Variants in NOTCH2NLA observed in about 807,000 individuals in gnomAD.
NOTCH2NLA encodes notch 2 N-terminal like A.
intron 1 of NOTCH2NLA, among the ~76,000 whole-genome samples, chr1:146,204,032 TATA>T (rs1431555897): frequency 4.6e-5 from 7 of 151,310 alleles, no homozygotes; most frequent in African/African-American, 1.5e-4. Context: ...AGTTTTAAAC[TATA>T]ATAAGTCTAT....
In NOTCH2NLA at chr1:146,187,855, C is replaced by T. The variant is rs201278051; in HGVS notation, c.38+1445G>A. Among the ~76,000 whole-genome samples the T allele has an allele frequency of 2.9e-5, 4 of 136,098 alleles. 1 individual carries two copies. The highest frequency in any genetic ancestry group is 7.4e-5 in the African/African-American group (3 of 40,292). 89.3% of individuals were successfully genotyped at this position (136,098 alleles called of 152,430 possible). On this transcript the variant is annotated intron_variant, in intron 2 of 4. Transcript: ENST00000362074. ...GAGAATGCACCACATTTTTTTTTCC[C>T]CCAGCTAGAAAAACTAAATGAGCAG...
chr1:146,172,631 G>T (rs1429376612), intron 2 of NOTCH2NLA, among the ~76,000 whole-genome samples: 3 of 151,124 alleles, frequency 2.0e-5, no homozygotes, highest in African/African-American at 7.3e-5. Flanking sequence ...TCAAAAATCT[G>T]CTGTAAACCT....
Position 146,185,594 on chromosome 1 carries a change from G to A in NOTCH2NLA, c.38+3706C>T, listed in dbSNP as rs1380228932. On this transcript the variant is annotated intron_variant, in intron 2 of 4. Transcript: ENST00000362074. ...AAAGTAGTTATCTTCATCTGTCAAT[G>A]TGATCTTATCAAGGATTTTTATAAT... is the stretch of plus-strand genomic sequence containing the variant. 5.2e-5 allele frequency among the ~76,000 whole-genome samples: 7 copies of A among 134,492 alleles called. 3 individuals carry two copies. Among genetic ancestry groups the A allele is most frequent in the Non-Finnish European group, 8.6e-5 (5 of 58,114 alleles). 88.2% of individuals were successfully genotyped at this position (134,492 alleles called of 152,430 possible). A position where few individuals can be genotyped will look rare whatever the true frequency, so the allele number is the denominator to read the frequency against.
intron 3 of NOTCH2NLA, among the ~76,000 whole-genome samples, chr1:146,159,223 T>C (rs1661328677): frequency 1.3e-5 from 2 of 151,218 alleles, no homozygotes; most frequent in Admixed American, 1.3e-4. Flanking sequence ...CCGGGCTTCA[T>C]AGCGCATGCC....
intron 2 of NOTCH2NLA, among the ~76,000 whole-genome samples, chr1:146,187,728 C>T (rs61815738): frequency 2.2e-5 from 3 of 135,034 alleles, no homozygotes; most frequent in South Asian, 4.6e-4. Context: ...AAGCAACTAA[C>T]GCACCAAATG....
intron 2 of NOTCH2NLA, among the ~76,000 whole-genome samples, chr1:146,182,544 C>T (rs1662585007): frequency 1.0e-5 from 1 of 97,278 alleles, no homozygotes. Context: ...GTCTATCTGG[C>T]ATAAAAAAAC....
Position 146,187,533 on chromosome 1 carries a change from C to G in NOTCH2NLA, c.38+1767G>C, listed in dbSNP as rs1472067280. On this transcript the variant is annotated intron_variant, in intron 2 of 4. Coordinates refer to ENST00000362074, the Ensembl canonical transcript of NOTCH2NLA. ...AGAAACATGTGCATGACGGTATCTA[C>G]TTAGCACCTTTTAGTTTAAGAAACA... Among the ~76,000 whole-genome samples the G allele has an allele frequency of 1.9e-4, 26 of 135,734 alleles. 1 individual carries two copies. Among genetic ancestry groups the G allele is most frequent in the African/African-American group, 5.7e-4 (23 of 40,092 alleles). The allele number at this position is 135,734 out of a possible 152,430, so 89.0% of individuals were successfully genotyped here.
At chr1:146,228,801 G>C in exon 1 of NOTCH2NLA, 1 of 1,524,834 alleles carries the variant, frequency 6.6e-7, no homozygotes, top group South Asian at 1.2e-5. Flanking sequence ...CGCCTCCTCC[G>C]CCGCCGCCGC....
intron 3 of NOTCH2NLA, among the ~76,000 whole-genome samples, chr1:146,159,397 A>AAGAGAG (rs1275754622): frequency 2.3e-5 from 2 of 87,284 alleles, no homozygotes; most frequent in African/African-American, 5.2e-5. Context: ...AAGAGAGAGA[A>AAGAGAG]AGAAAGAAAG....
intron 2 of NOTCH2NLA, among the ~76,000 whole-genome samples, chr1:146,185,388 C>T (rs587707641): frequency 8.2e-5 from 11 of 134,748 alleles, no homozygotes; most frequent in African/African-American, 2.7e-4. Context: ...ATCTTATCTC[C>T]CTGTAGTGAG....
At chr1:146,174,684 C>A (rs1662174305) in intron 2 of NOTCH2NLA, among the ~76,000 whole-genome samples, 1 of 144,158 alleles carries the variant, frequency 6.9e-6, no homozygotes, top group Admixed American at 7.1e-5. Context: ...TTAAACAGAA[C>A]TCTGCTTTCA....
chr1:146,182,482 CTT>C (rs1353728395), intron 2 of NOTCH2NLA, among the ~76,000 whole-genome samples: 1 of 136,694 alleles, frequency 7.3e-6, no homozygotes, highest in East Asian at 1.9e-4. Flanking sequence ...GCATTATAGA[CTT>C]TAACTTGCCA....
intron 3 of NOTCH2NLA, among the ~76,000 whole-genome samples, chr1:146,159,995 A>AAAG (rs1661423611): frequency 1.5e-5 from 2 of 130,390 alleles, no homozygotes; most frequent in African/African-American, 5.6e-5. Context: ...AAAAAAAAAA[A>AAAG]GGTGATCAGA....
chr1:146,174,524 C>G (rs1322284210), intron 2 of NOTCH2NLA, among the ~76,000 whole-genome samples: 1 of 147,388 alleles, frequency 6.8e-6, no homozygotes, highest in Admixed American at 7.0e-5. Flanking sequence ...TACAAAACAG[C>G]TATTTCAAAG....
At chr1:146,159,411 G>GAAAGAAAGAA (rs1411464225) in intron 3 of NOTCH2NLA, among the ~76,000 whole-genome samples, 65 of 146,120 alleles carry the variant, frequency 4.4e-4, no homozygotes, top group Non-Finnish European at 7.1e-4. Context: ...AAGAAAGAAA[G>GAAAGAAAGAA]AAAGAAAGAA....
chr1:146,159,966 C>CAA (rs782308523), intron 3 of NOTCH2NLA, among the ~76,000 whole-genome samples: 161 of 7,426 alleles, frequency 0.022, 19 homozygotes, highest in South Asian at 0.068. Flanking sequence ...TACTCCATCT[C>CAA]AAAAAAAAAA....
intron 2 of NOTCH2NLA, among the ~76,000 whole-genome samples, chr1:146,180,341 TTAAA>T (rs1662483787): frequency 7.1e-6 from 1 of 140,438 alleles, no homozygotes; most frequent in Middle Eastern, 3.5e-3. Flanking sequence ...CACCCATCAC[TTAAA>T]TAATGTCTTT....
At chr1:146,228,282 C>T (rs1553820241) in intron 1 of NOTCH2NLA, 1 of 819,218 alleles carries the variant, frequency 1.2e-6, no homozygotes. Context: ...GCTCTCCACG[C>T]CAGAATCTGG....
Position 146,172,823 on chromosome 1 carries a change from C to G in NOTCH2NLA, c.39-7813G>C, listed in dbSNP as rs1252036924. Among the ~76,000 whole-genome samples the G allele has an allele frequency of 2.1e-5, 3 of 145,142 alleles. 1 individual carries two copies. The highest frequency in any genetic ancestry group is 4.7e-5 in the Non-Finnish European group (3 of 63,502). On this transcript the variant is annotated intron_variant, in intron 2 of 4. Coordinates refer to ENST00000362074, the Ensembl canonical transcript of NOTCH2NLA. The stretch of plus-strand genomic sequence containing the variant: ...TCTAGATAGTTTTTGTGGGGAAGAC[C>G]CTGTCTTGAACCCTTGGTGTAGGTT...
Sources: allele counts gnomAD v4.1 joint callset (sites outside exome capture counted in the v4.1 genomes callset), GRCh38; gene constraint gnomAD v4.1.1; transcripts MANE v1.5; gene names NCBI Gene and HGNC (gene_info 2026-07-23, HGNC 2026-07-21).